The following MAP7 variants were observed in gnomAD, a reference collection of about 807,000 sequenced individuals.
MAP7 encodes the protein microtubule associated protein 7.
In MAP7, 52 loss-of-function variants were observed where a neutral mutation model predicts 94.8. The ratio of observed to expected loss-of-function variants is 0.55; its 90% confidence interval spans 0.44 to 0.69. The LOEUF is 0.69. MAP7 is among the 30% of genes least tolerant of loss of function. The pLI is 0.00. For missense variants in MAP7, 940 were observed against 964.6 expected, an observed-to-expected ratio of 0.97 and a Z score of 0.34; for synonymous variants, 350 against 357.0, an observed-to-expected ratio of 0.98 and a Z score of 0.22.
chr6:136,414,439 G>A (rs1315660171), intron 2 of MAP7, among the ~76,000 whole-genome samples: 2 of 151,626 alleles, frequency 1.3e-5, no homozygotes, highest in African/African-American at 2.4e-5. Context: ...TGGACATGAC[G>A]ACCCTCTCAG....
At chr6:136,451,396 T>C (rs1303668484) in intron 1 of MAP7, among the ~76,000 whole-genome samples, 1 of 152,194 alleles carries the variant, frequency 6.6e-6, no homozygotes, top group African/African-American at 2.4e-5. Context: ...TTACTCAATA[T>C]TTTAAGTCCA....
intron 1 of MAP7, among the ~76,000 whole-genome samples, chr6:136,513,695 A>C (rs1169048677): frequency 6.6e-6 from 1 of 152,174 alleles, no homozygotes; most frequent in Non-Finnish European, 1.5e-5. Flanking sequence ...CGTATGGCAG[A>C]GCACCTCAAT....
intron 1 of MAP7, among the ~76,000 whole-genome samples, chr6:136,478,979 C>CAAAAAAAAAAAAAAAAAAAAAAAA (rs59319740): frequency 1.5e-4 from 7 of 45,506 alleles, no homozygotes; most frequent in South Asian, 9.8e-4. Context: ...ACAGACACAT[C>CAAAAAAAAAAAAAAAAAAAAAAAA]AAAAAAAAAA....
intron 1 of MAP7, among the ~76,000 whole-genome samples, chr6:136,513,751 A>AGGAACACCTGAGCCCCAGACGCATCCTGT (rs1823939003): frequency 2.0e-5 from 3 of 152,326 alleles, no homozygotes; most frequent in Admixed American, 6.5e-5. Flanking sequence ...CTTGTCTATG[A>AGGAACACCTGAGCCCCAGACGCATCCTGT]GGAACACCTG....
At chr6:136,401,522 A>G (rs993627227) in intron 3 of MAP7, among the ~76,000 whole-genome samples, 4 of 152,214 alleles carry the variant, frequency 2.6e-5, no homozygotes, top group East Asian at 3.9e-4. Context: ...TGAGCAAACT[A>G]TCGCAAGGAC....
chr6:136,412,422 T>G (rs928418388), intron 2 of MAP7, among the ~76,000 whole-genome samples: 1 of 151,712 alleles, frequency 6.6e-6, no homozygotes, highest in Non-Finnish European at 1.5e-5. Context: ...ACAAGACAAA[T>G]AAGTACTATA....
At chr6:136,434,684 T>G (rs1335508323) in intron 1 of MAP7, among the ~76,000 whole-genome samples, 4 of 152,084 alleles carry the variant, frequency 2.6e-5, no homozygotes, top group Non-Finnish European at 4.4e-5. Context: ...TGGAACCTAT[T>G]GAACATCTAA....
In MAP7 at chr6:136,360,742, C is replaced by T; in HGVS notation, c.1758G>A (p.Glu586=). Residue 586 remains glutamate, a synonymous_variant, in exon 13 of 18, where the codon GAG becomes GAA. Transcript: ENST00000354570. ...CTTGCTCTTCTCTCTGGAAATGCTT[C>T]TCTCGTTCCTGCCGGACCCTCTCTG... ...EEAERVRQER[E]KHFQREEQER... The T allele has an allele frequency of 1.2e-6, 2 of 1,614,176 alleles. No homozygotes were observed. The highest frequency in any genetic ancestry group is 1.6e-4 in the Middle Eastern group (1 of 6,062).
intron 3 of MAP7, among the ~76,000 whole-genome samples, chr6:136,395,345 T>G (rs1195254616): frequency 1.3e-5 from 2 of 152,006 alleles, no homozygotes; most frequent in Non-Finnish European, 2.9e-5. Flanking sequence ...AGATGCCTGT[T>G]GGTTATTTCT....
rs766477243 is a variant in MAP7, at chr6:136,361,134, C to T, written c.1572G>A (p.Thr524=). 2 of 1,605,418 alleles carry T rather than the reference C, an allele frequency of 1.2e-6. No individual in the cohort carries two copies. Among genetic ancestry groups the T allele is most frequent in the Non-Finnish European group, 1.7e-6 (2 of 1,179,954 alleles). The stretch of plus-strand genomic sequence containing the variant: ...TGCGCGACTCCTCCTCACGGCGAGT[C>T]GTCCTCTCTTCAGCCACACGTTGAG... ...ELAQRVAEER[T]TRREEESRRL... is the part of the protein sequence containing the mutation. Residue 524 remains threonine (T), a synonymous_variant, in exon 12 of 18, where the codon ACG becomes ACA. Coordinates refer to ENST00000354570, the MANE Select transcript of MAP7 (RefSeq NM_003980.6).
At chr6:136,501,419 T>C (rs917755401) in intron 1 of MAP7, among the ~76,000 whole-genome samples, 4 of 152,218 alleles carry the variant, frequency 2.6e-5, no homozygotes, top group African/African-American at 7.2e-5. Flanking sequence ...CCCTGGGGTT[T>C]AGGTATTACC....
At chr6:136,375,484 A>T (rs549123483) in intron 7 of MAP7, among the ~76,000 whole-genome samples, 3 of 152,298 alleles carry the variant, frequency 2.0e-5, no homozygotes, top group African/African-American at 7.2e-5. Context: ...CTTCTTGCCA[A>T]TGGCAATTAG....
chr6:136,490,411 T>C (rs1816205958), intron 1 of MAP7, among the ~76,000 whole-genome samples: 2 of 152,242 alleles, frequency 1.3e-5, no homozygotes. Flanking sequence ...CTTAGCTGGT[T>C]ATCATGCTCT....
intron 1 of MAP7, among the ~76,000 whole-genome samples, chr6:136,530,021 T>TA (rs1399447644): frequency 6.6e-6 from 1 of 151,966 alleles, no homozygotes; most frequent in Non-Finnish European, 1.5e-5. Context: ...TACGCACACA[T>TA]AGAGTCAGCT....
intron 2 of MAP7, among the ~76,000 whole-genome samples, chr6:136,416,665 GCA>G (rs1442207620): frequency 2.6e-5 from 4 of 152,056 alleles, no homozygotes; most frequent in African/African-American, 9.7e-5. Context: ...AGTTAGCCAG[GCA>G]CAGTGGTGCA....
chr6:136,446,702 C>T (rs1799473661), intron 1 of MAP7, among the ~76,000 whole-genome samples: 1 of 152,094 alleles, frequency 6.6e-6, no homozygotes, highest in South Asian at 2.1e-4. Flanking sequence ...TTGGAGATTC[C>T]AAGGATTTCA....
At chr6:136,413,201 C>T (rs143564864) in intron 2 of MAP7, among the ~76,000 whole-genome samples, 6 of 151,466 alleles carry the variant, frequency 4.0e-5, no homozygotes, top group Admixed American at 3.3e-4. Flanking sequence ...ATTTTTAGAA[C>T]CTTGCGTTAA....
chr6:136,451,081 G>A (rs1174949834), intron 1 of MAP7, among the ~76,000 whole-genome samples: 1 of 152,206 alleles, frequency 6.6e-6, no homozygotes, highest in East Asian at 1.9e-4. Flanking sequence ...CTCCATCTCT[G>A]TACCAGAAAG....
At chr6:136,362,299 TA>T in intron 11 of MAP7, 150 bp downstream of exon 11, 1 of 970,810 alleles carries the variant, frequency 1.0e-6, no homozygotes, top group Non-Finnish European at 1.5e-6. Context: ...ACAAACTGCT[TA>T]GTAGTCATAG....
Sources: allele counts gnomAD v4.1 joint callset (sites outside exome capture counted in the v4.1 genomes callset), GRCh38; gene constraint gnomAD v4.1.1; transcripts MANE v1.5; gene names NCBI Gene and HGNC (gene_info 2026-07-23, HGNC 2026-07-21).